PAX5: variants seen among roughly 807,000 people sequenced by gnomAD.
PAX5 encodes the protein paired box protein Pax-5.
In PAX5, 9 loss-of-function variants were observed where a neutral mutation model predicts 43.7. That is an observed-to-expected ratio of 0.21 (90% CI 0.12 to 0.36). The LOEUF is 0.36. PAX5 is among the 10% of genes least tolerant of loss of function. PAX5 has a pLI of 1.00. For synonymous variants in PAX5, 228 were observed against 214.3 expected (o/e 1.06, Z -0.56); for missense variants, 383 against 532.7 (o/e 0.72, Z 2.77).
intron 1 of PAX5, among the ~76,000 whole-genome samples, chr9:37,032,287 C>T (rs187098068): frequency 1.0e-3 from 156 of 152,326 alleles, no homozygotes; most frequent in African/African-American, 2.7e-3. Flanking sequence ...TTCTACACAG[C>T]TTGTCGGGAG....
chr9:36,902,464 T>A (rs2131863695), intron 7 of PAX5, among the ~76,000 whole-genome samples: 1 of 152,022 alleles, frequency 6.6e-6, no homozygotes, highest in East Asian at 1.9e-4. Context: ...ATTACAAAGG[T>A]CAAAGAAGGG....
At chr9:36,999,559 A>T (rs1273511337) in intron 5 of PAX5, among the ~76,000 whole-genome samples, 1 of 152,192 alleles carries the variant, frequency 6.6e-6, no homozygotes, top group African/African-American at 2.4e-5. Context: ...ACTGTGAACT[A>T]GGCAGCAGAG....
intron 8 of PAX5, among the ~76,000 whole-genome samples, chr9:36,868,236 C>T (rs1825090936): frequency 6.6e-6 from 1 of 152,358 alleles, no homozygotes; most frequent in South Asian, 2.1e-4. Flanking sequence ...CCTAACTTGC[C>T]CTGGACTCTG....
intron 8 of PAX5, among the ~76,000 whole-genome samples, chr9:36,855,126 C>T (rs781465661): frequency 1.3e-5 from 2 of 152,260 alleles, no homozygotes; most frequent in South Asian, 2.1e-4. Context: ...AACTCCACTG[C>T]GGCATCACGG....
intron 8 of PAX5, among the ~76,000 whole-genome samples, chr9:36,862,966 C>G (rs1176279391): frequency 6.6e-6 from 1 of 152,196 alleles, no homozygotes; most frequent in Non-Finnish European, 1.5e-5. Flanking sequence ...TTCATTGCAC[C>G]AGAGTCACCG....
chr9:36,949,945 G>C (rs749446896), intron 6 of PAX5, among the ~76,000 whole-genome samples: 1 of 151,988 alleles, frequency 6.6e-6, no homozygotes, highest in Non-Finnish European at 1.5e-5. Flanking sequence ...ACCTACCCTC[G>C]ACCTCCCTAA....
Position 36,837,074 on chromosome 9 carries a change from T to A in PAX5, c.*3486A>T. On this transcript the variant is annotated 3_prime_UTR_variant, in exon 10 of 10. Transcript: ENST00000358127. ...CTGTTCTTTCTTGCCTGATTGTGGG[T>A]CTGGGGGATTTCTAGGGAATGGGGG... 4.3e-6 allele frequency: 1 copy of A among 232,656 alleles called. No homozygotes were observed. The highest frequency in any genetic ancestry group is 8.5e-6 in the Non-Finnish European group (1 of 117,838). 14.4% of individuals were successfully genotyped at this position (232,656 alleles called of 1,614,324 possible).
chr9:37,033,978 G>A lies in PAX5; in HGVS notation c.46+8C>T. ...TTTGCACATCTGGAGCCCGTATCGC[G>A]GTCCTACCTGTCCTGCTGGTCCGAG... is the stretch of plus-strand genomic sequence containing the variant. On this transcript the variant is annotated splice_region_variant and intron_variant, in intron 1 of 9. Transcript: ENST00000358127. 6.2e-7 allele frequency: 1 copy of A among 1,611,436 alleles called. No individual in the cohort carries two copies. Among genetic ancestry groups the A allele is most frequent in the South Asian group, 1.1e-5 (1 of 90,818 alleles).
At position 36,870,035 on chromosome 9, in the gene PAX5, AATGG is replaced by A. The variant is rs1242006640; in HGVS notation, c.1012+11965_1012+11968del. Among the ~76,000 whole-genome samples, 28 of 30,434 alleles carry A rather than the reference AATGG, an allele frequency of 9.2e-4. 1 individual carries two copies. Among genetic ancestry groups the A allele is most frequent in the African/African-American group, 1.8e-3 (17 of 9,564 alleles). 20.0% of individuals were successfully genotyped at this position (30,434 alleles called of 152,430 possible). A position where few individuals can be genotyped will look rare whatever the true frequency, so the allele number is the denominator to read the frequency against. ...GGATGGATGGATGGATGGATGGATA[AATGG>A]ATGGATGGATGGATGGATAAATGGA... On this transcript the variant is annotated intron_variant, in intron 8 of 9. Transcript: ENST00000358127.
At chr9:37,011,099 T>A in intron 3 of PAX5, among the ~76,000 whole-genome samples, 1 of 140,784 alleles carries the variant, frequency 7.1e-6, no homozygotes, top group Admixed American at 7.6e-5. Context: ...CCAGCCTGGG[T>A]GACAGAGTGA....
chr9:36,884,617 G>C (rs1034001559), intron 7 of PAX5, among the ~76,000 whole-genome samples: 5 of 152,184 alleles, frequency 3.3e-5, no homozygotes, highest in African/African-American at 4.8e-5. Context: ...ACTGAAAATT[G>C]TTCTGAAAGT....
chr9:36,924,739 GGA>G (rs780227505), intron 6 of PAX5, among the ~76,000 whole-genome samples: 15,067 of 39,288 alleles, frequency 0.38, 2,017 homozygotes, highest in East Asian at 0.54. Flanking sequence ...AGAGGTGGAA[GGA>G]AGGAAGGAAG....
At chr9:36,875,422 G>A (rs10119778) in intron 8 of PAX5, among the ~76,000 whole-genome samples, 4,877 of 152,258 alleles carry the variant, frequency 0.032, 245 homozygotes, top group African/African-American at 0.11. Flanking sequence ...GGAGGGGAAC[G>A]AGTAAACCAC....
chr9:36,840,749 A>C, intron 9 of PAX5, 113 bp from the exon 10 acceptor site: 23 of 655,896 alleles, frequency 3.5e-5, no homozygotes, highest in East Asian at 1.1e-4. Context: ...ATCCTCTCTC[A>C]CCAAGATCTC....
At chr9:36,880,518 C>T (rs148224694) in intron 8 of PAX5, among the ~76,000 whole-genome samples, 3 of 152,302 alleles carry the variant, frequency 2.0e-5, no homozygotes, top group African/African-American at 7.2e-5. Flanking sequence ...AAAGTGGGGC[C>T]CTCTAAGGGG....
intron 5 of PAX5, among the ~76,000 whole-genome samples, chr9:36,973,132 A>AC (rs1273938382): frequency 2.4e-5 from 2 of 84,836 alleles, no homozygotes; most frequent in African/African-American, 1.2e-4. Context: ...AAGGAAAGGA[A>AC]AGAAAAGGAA....
chr9:37,006,648 C>G (rs878890565), intron 3 of PAX5, 111 bp from the exon 4 acceptor site: 17 of 840,934 alleles, frequency 2.0e-5, no homozygotes, highest in South Asian at 2.0e-4. Context: ...GGCCATGGTT[C>G]GAGCTGAGGC....
chr9:36,879,122 G>A (rs902570139), intron 8 of PAX5, among the ~76,000 whole-genome samples: 1 of 152,204 alleles, frequency 6.6e-6, no homozygotes, highest in African/African-American at 2.4e-5. Context: ...AGTCCCATGG[G>A]GCCCTGGGGC....
chr9:36,920,549 A>G lies in PAX5; in HGVS notation c.910+2806T>C, dbSNP rs376564636. 9.8e-5 allele frequency among the ~76,000 whole-genome samples: 15 copies of G among 152,354 alleles called. No homozygotes were observed. The East Asian group carries it at 2.7e-3, about 27-fold the overall frequency. ...TTAAGGTATGTGTCTTTTAAAAAACATAATGCACACTTACTAGACTACAGT... is the reference window on the plus strand; with the variant it reads ...TTAAGGTATGTGTCTTTTAAAAAACGTAATGCACACTTACTAGACTACAGT... On this transcript the variant is annotated intron_variant, in intron 7 of 9. Transcript: ENST00000358127.
Sources: gnomAD v4.1 joint callset for allele counts (sites outside exome capture counted in the v4.1 genomes callset) on GRCh38, gnomAD v4.1.1 for gene constraint, MANE v1.5 for transcripts, NCBI Gene and HGNC (gene_info 2026-07-23, HGNC 2026-07-21) for gene names.